RBBP4: variants seen among roughly 807,000 people sequenced by gnomAD.
RBBP4 encodes histone-binding protein RBBP4.
RBBP4 carries 3 observed loss-of-function variants against 57.2 expected under a neutral mutation model. That is an observed-to-expected ratio of 0.05 (90% CI 0.02 to 0.14). The LOEUF is 0.14. Among genes scored for constraint, RBBP4 ranks in the 10% least tolerant of loss-of-function variants. The probability of loss-of-function intolerance (pLI) is 1.00; values close to 1 mark genes in which losing one functional copy is unlikely to be tolerated. For missense variants in RBBP4, 107 were observed against 520.6 expected (o/e 0.21, Z 7.73); for synonymous variants, 151 against 171.5 (o/e 0.88, Z 0.93).
chr1:32,681,568 G>A lies in RBBP4; in HGVS notation c.*1863G>A. 1 of 554,036 alleles carries A rather than the reference G, an allele frequency of 1.8e-6. No homozygotes were observed. The highest frequency in any genetic ancestry group is 3.2e-5 in the Admixed American group (1 of 31,352). The allele number at this position is 554,036 out of a possible 1,614,324, so 34.3% of individuals were successfully genotyped here. On this transcript the variant is annotated 3_prime_UTR_variant, in exon 12 of 12. Transcript: ENST00000373493. ...ACTCAGTGCATATGTGAGGGTTGTT[G>A]CTGGAAGACAGGAGGCTCATCTTTC...
rs185198314 is a variant in RBBP4 at position 32,669,972 on chromosome 1, A to G, written c.966+409A>G. 1.0e-3 allele frequency among the ~76,000 whole-genome samples: 158 copies of G among 152,368 alleles called. No homozygotes were observed. The highest frequency in any genetic ancestry group is 3.7e-3 in the African/African-American group (155 of 41,592). Reference sequence around the variant, plus strand: ...GCCGTTGCTAAAAATAGAAATCTATATGCCTATGCTACTTTCTGTGGGAAT... The same window carrying G: ...GCCGTTGCTAAAAATAGAAATCTATGTGCCTATGCTACTTTCTGTGGGAAT... On this transcript the variant is annotated intron_variant, in intron 8 of 11. Transcript: ENST00000373493. The surrounding 1 kb of genome is among the most constrained non-coding windows in gnomAD (Gnocchi z 4.9).
chr1:32,670,998 A>C (rs766691719), intron 8 of RBBP4, among the ~76,000 whole-genome samples: 6 of 152,144 alleles, frequency 3.9e-5, no homozygotes, highest in African/African-American at 7.2e-5. Flanking sequence ...CAGAATCCAA[A>C]TTCTTCCTTA....
chr1:32,679,696 A>C lies in RBBP4; in HGVS notation c.1269A>C (p.Gln423His), dbSNP rs767605768. 6.2e-7 allele frequency: 1 copy of C among 1,611,714 alleles called. No homozygotes were observed. Among genetic ancestry groups the C allele is most frequent in the Admixed American group, 1.7e-5 (1 of 59,484 alleles). The change falls in exon 12 of 12, where the codon CAA becomes CAC. Residue 423 changes from glutamine (Q) to histidine (H), a missense_variant. Around this residue, in one of 3 missense-constraint regions of RBBP4, gnomAD observed 14 missense variants for 52.0 expected, o/e 0.27. Coordinates refer to ENST00000373493, the MANE Select transcript of RBBP4 (RefSeq NM_005610.3). ...DPEGSVDPEG[Q>H]GS ...AAGGAAGCGTGGATCCAGAAGGACA[A>C]GGGTCCTAGATATGTCTTTACTTGT...
At chr1:32,678,234 G>T (rs1390763810) in intron 11 of RBBP4, among the ~76,000 whole-genome samples, 1 of 151,964 alleles carries the variant, frequency 6.6e-6, no homozygotes, top group Non-Finnish European at 1.5e-5. Flanking sequence ...TGCCTGTTTT[G>T]GACCCCTGTT....
chr1:32,652,123 T>C, intron 2 of RBBP4, 62 bp downstream of exon 2: 1 of 1,528,588 alleles, frequency 6.5e-7, no homozygotes, highest in South Asian at 1.2e-5. Context: ...TCATATTGAT[T>C]TTCTTTTTTC....
intron 3 of RBBP4, among the ~76,000 whole-genome samples, chr1:32,660,561 C>T (rs1009380879): frequency 6.6e-5 from 10 of 150,512 alleles, no homozygotes; most frequent in African/African-American, 2.4e-4. Context: ...GGATTACAGG[C>T]GCCCACCACC....
rs1649445576 is a variant in RBBP4 at position 32,681,680 on chromosome 1, T to TTTTTA, written c.*1975_*1976insTTTTA. On this transcript the variant is annotated 3_prime_UTR_variant, in exon 12 of 12. Coordinates refer to ENST00000373493, the MANE Select transcript of RBBP4 (RefSeq NM_005610.3). ...GACATGTTCTGCCTCCGGCCAACTCTAGAATCTTTTTAAGCAGGTCAGCCA... is the reference window on the plus strand; with the variant it reads ...GACATGTTCTGCCTCCGGCCAACTCTTTTTAAGAATCTTTTTAAGCAGGTCAGCCA... 1.0e-6 allele frequency: 1 copy of TTTTTA among 995,086 alleles called. No homozygotes were observed. The highest frequency in any genetic ancestry group is 1.6e-5 in the African/African-American group (1 of 61,584). The allele number at this position is 995,086 out of a possible 1,614,324, so 61.6% of individuals were successfully genotyped here.
Position 32,679,678 on chromosome 1 carries a change from C to T in RBBP4, c.1251C>T (p.Ser417=). ...NIYNDEDPEG[S]VDPEGQGS ...ATAATGATGAAGACCCTGAAGGAAG[C>T]GTGGATCCAGAAGGACAAGGGTCCT... The change falls in exon 12 of 12, where the codon AGC becomes AGT. Residue 417 remains serine, a synonymous_variant. Transcript: ENST00000373493. 2.5e-6 allele frequency: 4 copies of T among 1,605,822 alleles called. No individual in the cohort carries two copies. Among genetic ancestry groups the T allele is most frequent in the South Asian group, 1.1e-5 (1 of 89,326 alleles).
intron 5 of RBBP4, 56 bp downstream of exon 5, chr1:32,668,910 T>C: frequency 6.2e-7 from 1 of 1,612,822 alleles, no homozygotes. Flanking sequence ...TTGGTTTCTT[T>C]TTTGGGGTGT....
chr1:32,665,532 G>T (rs1570852776), intron 3 of RBBP4, among the ~76,000 whole-genome samples: 1 of 151,970 alleles, frequency 6.6e-6, no homozygotes, highest in Admixed American at 6.6e-5. Flanking sequence ...GCAAAAATTA[G>T]CTGGGCGTCA....
chr1:32,681,668 T>C lies in RBBP4; in HGVS notation c.*1963T>C. The C allele has an allele frequency of 1.2e-6, 1 of 840,682 alleles. No homozygotes were observed. Among genetic ancestry groups the C allele is most frequent in the Non-Finnish European group, 1.9e-6 (1 of 521,774 alleles). 52.1% of individuals were successfully genotyped at this position (840,682 alleles called of 1,614,324 possible). On this transcript the variant is annotated 3_prime_UTR_variant, in exon 12 of 12. Transcript: ENST00000373493. Reference sequence around the variant, plus strand: ...CAGCAAAGAGTTGACATGTTCTGCCTCCGGCCAACTCTAGAATCTTTTTAA... The same window carrying C: ...CAGCAAAGAGTTGACATGTTCTGCCCCCGGCCAACTCTAGAATCTTTTTAA...
rs776641708 is a variant in RBBP4, at chr1:32,651,912, A to G, written c.17-2A>G. On this transcript the variant is annotated splice_acceptor_variant, in intron 1 of 11. Coordinates refer to ENST00000373493, the MANE Select transcript of RBBP4 (RefSeq NM_005610.3). LOFTEE classifies it high-confidence loss of function. ...ACTTAAATTTGTTTTTAAAAATTTT[A>G]GCAGCCTTCGACGACGCAGTGGAAG... is the stretch of plus-strand genomic sequence containing the variant. 1 of 1,613,364 alleles carries G rather than the reference A, an allele frequency of 6.2e-7. No individual in the cohort carries two copies. Among genetic ancestry groups the G allele is most frequent in the South Asian group, 1.1e-5 (1 of 91,068 alleles).
rs183113 is a variant in RBBP4 at position 32,683,040 on chromosome 1, C to T, written c.*3335C>T. The T allele has an allele frequency of 0.97, 148,038 of 152,126 alleles. 72,158 individuals are homozygous for T. Among genetic ancestry groups the T allele is most frequent in the East Asian group, 1 (5,142 of 5,142 alleles). The allele number at this position is 152,126 out of a possible 1,614,324, so 9.4% of individuals were successfully genotyped here. A position where few individuals can be genotyped will look rare whatever the true frequency, so the allele number is the denominator to read the frequency against. On this transcript the variant is annotated 3_prime_UTR_variant, in exon 12 of 12. Transcript: ENST00000373493. ...GGCTCACACCTGAAATCCCAGCACT[C>T]TGGGAGGCCGAGGCAAGTGGATCAC...
intron 2 of RBBP4, among the ~76,000 whole-genome samples, chr1:32,654,113 G>A (rs911959500): frequency 6.6e-5 from 10 of 151,948 alleles, no homozygotes; most frequent in African/African-American, 2.4e-4. Flanking sequence ...TGGCTCACAC[G>A]TGTAATCCCA....
At chr1:32,659,058 T>C (rs938772978) in intron 3 of RBBP4, among the ~76,000 whole-genome samples, 1 of 147,412 alleles carries the variant, frequency 6.8e-6, no homozygotes, top group Admixed American at 6.9e-5. Flanking sequence ...TATATAAATA[T>C]ATAAATTATA....
chr1:32,666,603 C>T (rs567106966), intron 3 of RBBP4, among the ~76,000 whole-genome samples: 21 of 152,234 alleles, frequency 1.4e-4, no homozygotes, highest in Admixed American at 9.8e-4. Context: ...GTGATCTGCC[C>T]GCTTCAGCCT....
chr1:32,658,140 A>T (rs193074986), intron 3 of RBBP4, among the ~76,000 whole-genome samples: 2 of 152,302 alleles, frequency 1.3e-5, no homozygotes, highest in African/African-American at 4.8e-5. Context: ...GGCGTGAGCC[A>T]CTGCACCCAT....
chr1:32,652,081 C>A lies in RBBP4; in HGVS notation c.164+20C>A. Reference sequence around the variant, plus strand: ...AACCAGGTGACATGACTCTCCCGAACGTTATTTTGATGTATTTTCAGTGTA... The same window carrying A: ...AACCAGGTGACATGACTCTCCCGAAAGTTATTTTGATGTATTTTCAGTGTA... On this transcript the variant is annotated intron_variant, in intron 2 of 11. Coordinates refer to ENST00000373493, the MANE Select transcript of RBBP4 (RefSeq NM_005610.3). The A allele has an allele frequency of 1.3e-6, 2 of 1,599,668 alleles. No homozygotes were observed. Among genetic ancestry groups the A allele is most frequent in the South Asian group, 1.1e-5 (1 of 89,756 alleles).
intron 2 of RBBP4, 199 bp downstream of exon 2, chr1:32,652,260 G>GT (rs1259038366): frequency 1.2e-5 from 7 of 594,590 alleles, no homozygotes; most frequent in Non-Finnish European, 1.7e-5. Context: ...ACATATTGGC[G>GT]TTTTTTTCTC....
Sources: gnomAD v4.1 joint callset for allele counts (sites outside exome capture counted in the v4.1 genomes callset) on GRCh38, gnomAD v4.1.1 for gene constraint, gnomAD v4.1.1 regional missense constraint, Gnocchi (gnomAD v3.1) non-coding constraint, MANE v1.5 for transcripts, NCBI Gene and HGNC (gene_info 2026-07-23, HGNC 2026-07-21) for gene names.